LPXN: variants seen among roughly 807,000 people sequenced by gnomAD.
The protein encoded by LPXN is leupaxin.
LPXN carries 28 observed loss-of-function variants against 45.6 expected under a neutral mutation model. The ratio of observed to expected loss-of-function variants is 0.61; its 90% CI spans 0.45 to 0.84. The LOEUF is 0.84. LPXN is among the 40% of genes least tolerant of loss of function. The pLI, the probability that LPXN is intolerant of heterozygous loss-of-function variation, is 0.00. For missense variants in LPXN, 459 were observed against 475.0 expected, an observed-to-expected ratio of 0.97 and a Z score of 0.31; for synonymous variants, 166 against 169.9, an observed-to-expected ratio of 0.98 and a Z score of 0.18.
At chr11:58,556,505 C>T (rs569708512) in intron 3 of LPXN, among the ~76,000 whole-genome samples, 1 of 152,002 alleles carries the variant, frequency 6.6e-6, no homozygotes, top group South Asian at 2.1e-4. Context: ...TTCTAGAATA[C>T]ATTATCAAAC....
intron 3 of LPXN, among the ~76,000 whole-genome samples, chr11:58,559,445 T>C (rs1013673840): frequency 2.0e-5 from 3 of 152,112 alleles, no homozygotes; most frequent in African/African-American, 7.2e-5. Context: ...CCAATGGAGC[T>C]AAAGTAAAAT....
At chr11:58,551,030 G>A in intron 5 of LPXN, 35 bp downstream of exon 5, 2 of 1,508,716 alleles carry the variant, frequency 1.3e-6, no homozygotes, top group South Asian at 1.3e-5. Flanking sequence ...GAGAGACAAA[G>A]AAGGCTGTAG....
chr11:58,545,098 C>A (rs969179284), intron 7 of LPXN, among the ~76,000 whole-genome samples: 2 of 152,130 alleles, frequency 1.3e-5, no homozygotes, highest in African/African-American at 4.8e-5. Flanking sequence ...AAGGAAAATA[C>A]AACCCAAGTG....
In LPXN at chr11:58,570,613, A is replaced by C; in HGVS notation, c.114T>G (p.Thr38=). The C allele has an allele frequency of 6.2e-7, 1 of 1,613,714 alleles. No homozygotes were observed. The highest frequency in any genetic ancestry group is 1.1e-5 in the South Asian group (1 of 91,056). ...LPLDQHSRKE[T]NLDETSEILS... ...GGATCTCCGAAGTCTCATCAAGGTT[A>C]GTCTCCTTTCTGGAATGCTGATCCA... The change falls in exon 2 of 9, where the codon ACT becomes ACG. Residue 38 remains threonine (T), a synonymous_variant. Transcript: ENST00000395074.
chr11:58,568,116 A>AG (rs1340350835), intron 2 of LPXN, among the ~76,000 whole-genome samples: 2 of 152,174 alleles, frequency 1.3e-5, no homozygotes, highest in Admixed American at 1.3e-4. Context: ...AGTGGCCAGC[A>AG]GGGGGAAAAG....
At chr11:58,530,707 G>C (rs946870364) in intron 7 of LPXN, among the ~76,000 whole-genome samples, 49 of 152,166 alleles carry the variant, frequency 3.2e-4, no homozygotes, top group Non-Finnish European at 6.8e-4. Flanking sequence ...CTCTGCTAAG[G>C]GTCAGACTGC....
chr11:58,547,752 GT>G (rs149489879), intron 7 of LPXN, among the ~76,000 whole-genome samples: 124 of 152,270 alleles, frequency 8.1e-4, no homozygotes, highest in Middle Eastern at 3.4e-3. Flanking sequence ...TAATGGCTTA[GT>G]TTTTGTGTTT....
intron 2 of LPXN, among the ~76,000 whole-genome samples, chr11:58,565,328 T>G (rs1391533947): frequency 6.6e-6 from 1 of 151,676 alleles, no homozygotes; most frequent in Non-Finnish European, 1.5e-5. Flanking sequence ...GGTCAGGAGA[T>G]CGAGATCATC....
chr11:58,546,072 TAAGGA>T (rs1565191445), intron 7 of LPXN, among the ~76,000 whole-genome samples: 1 of 151,984 alleles, frequency 6.6e-6, no homozygotes, highest in East Asian at 1.9e-4. Context: ...TAAAGAGCCA[TAAGGA>T]AAGAGAAAAA....
chr11:58,533,885 T>TA (rs1565184751), intron 7 of LPXN, among the ~76,000 whole-genome samples: 1 of 151,558 alleles, frequency 6.6e-6, no homozygotes, highest in Non-Finnish European at 1.5e-5. Context: ...TAGTCTCTGA[T>TA]AAAAAAGACT....
intron 7 of LPXN, among the ~76,000 whole-genome samples, chr11:58,539,087 G>C (rs1018157707): frequency 2.6e-5 from 4 of 152,148 alleles, no homozygotes; most frequent in Non-Finnish European, 4.4e-5. Flanking sequence ...CGGGAGGACT[G>C]GTTGAAGCCT....
chr11:58,564,331 G>A (rs1289682258), intron 2 of LPXN, 130 bp from the exon 3 acceptor site: 5 of 658,570 alleles, frequency 7.6e-6, no homozygotes, highest in Non-Finnish European at 1.3e-5. Flanking sequence ...GCATATCTAT[G>A]AGCTCTTCTT....
intron 3 of LPXN, among the ~76,000 whole-genome samples, chr11:58,562,825 C>T (rs948030180): frequency 2.6e-5 from 4 of 152,122 alleles, no homozygotes; most frequent in African/African-American, 9.7e-5. Context: ...GGGGGAAATG[C>T]CCTGGATTTC....
chr11:58,529,911 C>A (rs1835341864), intron 7 of LPXN, among the ~76,000 whole-genome samples: 1 of 152,108 alleles, frequency 6.6e-6, no homozygotes, highest in Non-Finnish European at 1.5e-5. Context: ...TGGGGTGTTG[C>A]CTCACCCAGA....
intron 2 of LPXN, among the ~76,000 whole-genome samples, chr11:58,565,990 T>C (rs1854517151): frequency 6.6e-6 from 1 of 152,198 alleles, no homozygotes; most frequent in African/African-American, 2.4e-5. Flanking sequence ...AGAGTGACAC[T>C]CTGTCTCAAC....
chr11:58,540,367 C>G (rs1429422448), intron 7 of LPXN, among the ~76,000 whole-genome samples: 2 of 152,092 alleles, frequency 1.3e-5, no homozygotes, highest in East Asian at 1.9e-4. Context: ...CTGATTCAAG[C>G]AAACCAAGCC....
At chr11:58,560,123 AG>A (rs1362003489) in intron 3 of LPXN, among the ~76,000 whole-genome samples, 11 of 152,226 alleles carry the variant, frequency 7.2e-5, no homozygotes, top group Non-Finnish European at 1.5e-4. Flanking sequence ...TTGTATCTTA[AG>A]TTATATTTTT....
intron 7 of LPXN, among the ~76,000 whole-genome samples, chr11:58,549,372 C>T (rs1299301361): frequency 6.6e-6 from 1 of 152,170 alleles, no homozygotes; most frequent in Non-Finnish European, 1.5e-5. Context: ...CACCACTGCA[C>T]TCCAGCCTGG....
chr11:58,578,448 C>G (rs1046710172), upstream of LPXN, among the ~76,000 whole-genome samples: 29 of 152,206 alleles, frequency 1.9e-4, no homozygotes, highest in African/African-American at 7.0e-4. Flanking sequence ...AAGAGGCGGG[C>G]CCTCGTTGCC....
Sources: allele counts gnomAD v4.1 joint callset (sites outside exome capture counted in the v4.1 genomes callset), GRCh38; gene constraint gnomAD v4.1.1; transcripts MANE v1.5; gene names NCBI Gene and HGNC (gene_info 2026-07-23, HGNC 2026-07-21).